The following FBLN5 variants were observed in gnomAD, a reference collection of about 807,000 sequenced individuals.
FBLN5 encodes fibulin 5, also known as fibulin-5.
In FBLN5, 24 loss-of-function variants were observed where a neutral mutation model predicts 61.6. The observed-to-expected ratio is 0.39, with a 90% confidence interval of 0.28 to 0.55. FBLN5 has a LOEUF of 0.55. Ranked by LOEUF, FBLN5 falls within the 20% of genes least tolerant of loss-of-function variation. The pLI, the probability that FBLN5 is intolerant of heterozygous loss-of-function variation, is 0.65. For synonymous variants in FBLN5, 213 were observed against 219.8 expected, an observed-to-expected ratio of 0.97 and a Z score of 0.27; for missense variants, 470 against 594.1, an observed-to-expected ratio of 0.79 and a Z score of 2.17.
At chr14:91,926,412 G>C (rs2055829707) in intron 4 of FBLN5, among the ~76,000 whole-genome samples, 1 of 152,126 alleles carries the variant, frequency 6.6e-6, no homozygotes, top group Non-Finnish European at 1.5e-5. Context: ...GGCCTGTGTG[G>C]TACATGTGTC....
intron 7 of FBLN5, among the ~76,000 whole-genome samples, chr14:91,884,786 C>A (rs1159596172): frequency 6.6e-6 from 1 of 152,266 alleles, no homozygotes; most frequent in Non-Finnish European, 1.5e-5. Context: ...GAGCGTAGCA[C>A]CTACTCCCAA....
At chr14:91,935,330 G>C (rs934983508) in intron 4 of FBLN5, among the ~76,000 whole-genome samples, 5 of 152,192 alleles carry the variant, frequency 3.3e-5, no homozygotes, top group Non-Finnish European at 7.3e-5. Context: ...GGAGGCCGCT[G>C]AGCTTGCCCG....
At chr14:91,875,116 C>T (rs986825029) in intron 10 of FBLN5, among the ~76,000 whole-genome samples, 2 of 152,160 alleles carry the variant, frequency 1.3e-5, no homozygotes, top group African/African-American at 2.4e-5. Flanking sequence ...AGGCATGAGC[C>T]CCTGTGCCCA....
rs776859612 is a variant in FBLN5 at position 91,870,288 on chromosome 14, A to C, written c.1283T>G (p.Val428Gly). The change falls in exon 11 of 11, where the codon GTC becomes GGC. Residue 428 changes from valine (V) to glycine (G), a missense_variant. Coordinates refer to ENST00000342058, the MANE Select transcript of FBLN5 (RefSeq NM_006329.4). ...CACGGAGCTGCCTCTGAAGTTGATGACAGTGTTGACAGTGATCATTTCCAA... is the reference window on the plus strand; with the variant it reads ...CACGGAGCTGCCTCTGAAGTTGATGCCAGTGTTGACAGTGATCATTTCCAA... ...LDLEMITVNT[V>G]INFRGSSVIR... 1.2e-6 allele frequency: 2 copies of C among 1,614,160 alleles called. No homozygotes were observed. The highest frequency in any genetic ancestry group is 2.2e-5 in the South Asian group (2 of 91,076).
intron 2 of FBLN5, among the ~76,000 whole-genome samples, chr14:91,940,973 T>C (rs1179676928): frequency 6.6e-6 from 1 of 152,128 alleles, no homozygotes; most frequent in Admixed American, 6.5e-5. Context: ...CCCTGTACCA[T>C]TGCTTCATAG....
chr14:91,887,416 C>T, intron 6 of FBLN5, 104 bp from the exon 7 acceptor site: 1 of 1,182,288 alleles, frequency 8.5e-7, no homozygotes, highest in Non-Finnish European at 1.2e-6. Flanking sequence ...ACCAGGAGAC[C>T]AGAGTCCCAG....
chr14:91,894,844 A>C, intron 5 of FBLN5, 106 bp downstream of exon 5: 1 of 854,578 alleles, frequency 1.2e-6, no homozygotes, highest in Non-Finnish European at 1.8e-6. Flanking sequence ...TCCCTAGCAA[A>C]GAAAAGCTTA....
At chr14:91,927,858 A>T (rs1004832524) in intron 4 of FBLN5, among the ~76,000 whole-genome samples, 5 of 152,260 alleles carry the variant, frequency 3.3e-5, no homozygotes, top group African/African-American at 1.2e-4. Context: ...CTAATTCCAG[A>T]GTGGAGTAGA....
chr14:91,877,454 C>G, intron 10 of FBLN5, 33 bp downstream of exon 10: 3 of 1,554,312 alleles, frequency 1.9e-6, no homozygotes, highest in Non-Finnish European at 2.7e-6. Flanking sequence ...GCCACTGTTA[C>G]AGATGGCGTC....
chr14:91,923,930 G>A (rs1008047117), intron 4 of FBLN5, among the ~76,000 whole-genome samples: 1 of 152,216 alleles, frequency 6.6e-6, no homozygotes, highest in South Asian at 2.1e-4. Context: ...AGCCAACAAA[G>A]TGTCCCATAC....
intron 4 of FBLN5, among the ~76,000 whole-genome samples, chr14:91,900,023 C>G (rs1890389749): frequency 6.6e-6 from 1 of 152,348 alleles, no homozygotes; most frequent in East Asian, 1.9e-4. Context: ...GAGCAGGACT[C>G]TGCAGAGGAA....
chr14:91,896,414 T>A (rs1890226473), intron 4 of FBLN5, among the ~76,000 whole-genome samples: 1 of 150,592 alleles, frequency 6.6e-6, no homozygotes, highest in Admixed American at 6.7e-5. Context: ...GCATCAGGGT[T>A]TGCTCATCTA....
At chr14:91,925,069 G>C (rs920159189) in intron 4 of FBLN5, among the ~76,000 whole-genome samples, 10 of 152,182 alleles carry the variant, frequency 6.6e-5, no homozygotes, top group African/African-American at 9.7e-5. Flanking sequence ...AGTCTGTTCT[G>C]TCTGACCTCA....
At chr14:91,888,724 G>A (rs1283876314) in intron 6 of FBLN5, among the ~76,000 whole-genome samples, 2 of 151,884 alleles carry the variant, frequency 1.3e-5, no homozygotes, top group Admixed American at 6.5e-5. Context: ...CAGCTAACAA[G>A]GACACACAGT....
rs928496697 is a variant in FBLN5 at position 91,941,088 on chromosome 14, C to T, written c.73-472G>A. ...TAATGTGGCATGCTCCCTGTTCATC[C>T]CCTTTCTGGGAATGAATAAGACTGC... On this transcript the variant is annotated intron_variant, in intron 2 of 10. Transcript: ENST00000342058. Among the ~76,000 whole-genome samples the T allele has an allele frequency of 5.3e-5, 8 of 152,230 alleles. No individual in the cohort carries two copies. In the East Asian group the frequency reaches 5.8e-4, roughly 11 times the overall value.
chr14:91,938,472 CAAAA>C (rs755988190), intron 3 of FBLN5: 1 of 150,820 alleles, frequency 6.6e-6, no homozygotes, highest in Admixed American at 6.6e-5. Context: ...AAAACAAAAA[CAAAA>C]AAAAGAAAAA....
intron 4 of FBLN5, among the ~76,000 whole-genome samples, chr14:91,918,836 G>A (rs758046693): frequency 7.2e-5 from 11 of 152,130 alleles, no homozygotes; most frequent in Non-Finnish European, 1.6e-4. Context: ...AAGATAACAG[G>A]ACACGAAGCT....
intron 4 of FBLN5, among the ~76,000 whole-genome samples, chr14:91,925,950 G>C (rs978408788): frequency 2.6e-5 from 4 of 152,166 alleles, no homozygotes; most frequent in Non-Finnish European, 5.9e-5. Flanking sequence ...GGGTGTGCTG[G>C]AGGTGAGTGC....
intron 5 of FBLN5, among the ~76,000 whole-genome samples, chr14:91,891,549 C>G (rs191433921): frequency 2.0e-5 from 3 of 152,272 alleles, no homozygotes; most frequent in African/African-American, 7.2e-5. Context: ...CCTCCTCGAC[C>G]CATCTCAGTC....
Sources: gnomAD v4.1 joint callset for allele counts (sites outside exome capture counted in the v4.1 genomes callset) on GRCh38, gnomAD v4.1.1 for gene constraint, MANE v1.5 for transcripts, NCBI Gene and HGNC (gene_info 2026-07-23, HGNC 2026-07-21) for gene names.